The following APLP2 variants were observed in gnomAD, a reference collection of about 807,000 sequenced individuals.
APLP2 encodes amyloid beta precursor like protein 2, also known as CDEI box-binding protein.
In APLP2, 53 loss-of-function variants were observed where a neutral mutation model predicts 89.9. The ratio of observed to expected loss-of-function variants is 0.59; its 90% CI spans 0.47 to 0.74. APLP2 has a LOEUF of 0.74. Ranked by LOEUF, APLP2 falls within the 30% of genes least tolerant of loss-of-function variation. The pLI is 0.00. For synonymous variants in APLP2, 372 were observed against 348.6 expected, an observed-to-expected ratio of 1.07 and a Z score of -0.75; for missense variants, 973 against 975.9, an observed-to-expected ratio of 1.00 and a Z score of 0.04.
chr11:130,126,992 T>C lies in APLP2; in HGVS notation c.1221+162T>C, dbSNP rs567531952. Among the ~76,000 whole-genome samples, 267 of 152,042 alleles carry C rather than the reference T, an allele frequency of 1.8e-3. 2 individuals carry two copies. Among genetic ancestry groups the C allele is most frequent in the Non-Finnish European group, 2.7e-3 (187 of 68,016 alleles). ...CAGTGGAGCTGCCTTCTGGGTGGACTTCTTCACCACCTGCATCCAGATAAT... is the reference window on the plus strand; with the variant it reads ...CAGTGGAGCTGCCTTCTGGGTGGACCTCTTCACCACCTGCATCCAGATAAT... On this transcript the variant is annotated intron_variant, in intron 8 of 16. Transcript: ENST00000338167.
Position 130,109,614 on chromosome 11 carries a change from G to A in APLP2, c.279+12G>A. 6.3e-7 allele frequency: 1 copy of A among 1,599,486 alleles called. No individual in the cohort carries two copies. Among genetic ancestry groups the A allele is most frequent in the Non-Finnish European group, 8.5e-7 (1 of 1,174,378 alleles). ...AGTACTGTCAGGAGGTAAGAGTGTT[G>A]CCAGTAAGTTGAAAGTGTTATTTTT... On this transcript the variant is annotated intron_variant, in intron 2 of 16. Transcript: ENST00000338167.
rs1353824653 is a variant in APLP2, at chr11:130,122,343, A to G, written c.752A>G (p.Glu251Gly). 1.2e-6 allele frequency: 2 copies of G among 1,614,070 alleles called. No individual in the cohort carries two copies. Among genetic ancestry groups the G allele is most frequent in the Non-Finnish European group, 1.7e-6 (2 of 1,179,978 alleles). ...PTEADLEDFT[E>G]AAVDEDDEDE... Reference sequence around the variant, plus strand: ...GAAGCAGATCTGGAAGACTTCACAGAAGCAGCTGTGGATGAGGATGATGAG... The same window carrying G: ...GAAGCAGATCTGGAAGACTTCACAGGAGCAGCTGTGGATGAGGATGATGAG... The change falls in exon 6 of 17, where the codon GAA becomes GGA. Residue 251 changes from glutamate (E) to glycine (G), a missense_variant. Coordinates refer to ENST00000338167, the MANE Select transcript of APLP2 (RefSeq NM_001142276.2).
intron 3 of APLP2, among the ~76,000 whole-genome samples, chr11:130,116,197 T>G (rs184520277): frequency 9.7e-4 from 148 of 152,146 alleles, no homozygotes; most frequent in Non-Finnish European, 1.6e-3. Flanking sequence ...AAAGTTGGCC[T>G]TAAGTAACTA....
At chr11:130,143,291 C>G (rs1280673478) in intron 16 of APLP2, 56 bp from the exon 17 acceptor site, 17 of 1,511,162 alleles carry the variant, frequency 1.1e-5, no homozygotes, top group Non-Finnish European at 1.6e-5. Context: ...TCTCCCAGCA[C>G]CCTGTGCAGG....
chr11:130,080,987 T>C (rs11221946), intron 1 of APLP2, among the ~76,000 whole-genome samples: 37,865 of 151,782 alleles, frequency 0.25, 6,984 homozygotes, highest in African/African-American at 0.52. Flanking sequence ...CCACGTCCGG[T>C]CGTTGGATTT....
chr11:130,125,547 G>A (rs1003765400), intron 7 of APLP2, among the ~76,000 whole-genome samples: 6 of 152,100 alleles, frequency 3.9e-5, no homozygotes, highest in African/African-American at 7.2e-5. Context: ...TTTAGTTGTC[G>A]TTTTTAGGTC....
chr11:130,141,453 C>G lies in APLP2; in HGVS notation c.1924-45C>G. On this transcript the variant is annotated intron_variant, in intron 14 of 16. Transcript: ENST00000338167. This position sits in a 1 kb window ranked among gnomAD's most constrained non-coding sequence, Gnocchi z 4.2. ...AGGAGGCAGTAAATACCAAACTCCC[C>G]GTTCACCCAGTTGCTTGCTGCCGAC... 1 of 1,523,018 alleles carries G rather than the reference C, an allele frequency of 6.6e-7. No individual in the cohort carries two copies. The highest frequency in any genetic ancestry group is 9.1e-7 in the Non-Finnish European group (1 of 1,097,848). 94.3% of individuals were successfully genotyped at this position (1,523,018 alleles called of 1,614,324 possible).
At chr11:130,073,119 T>C (rs914425704) in intron 1 of APLP2, among the ~76,000 whole-genome samples, 1 of 152,252 alleles carries the variant, frequency 6.6e-6, no homozygotes, top group Admixed American at 6.5e-5. Flanking sequence ...GTATTTCCTA[T>C]GAAAATTTAG....
chr11:130,069,996 G>T lies in APLP2; in HGVS notation c.19G>T (p.Ala7Ser). ...GCGAGGGATGGCGGCCACCGGGACC[G>T]CGGCCGCCGCAGCCACGGGCAGGCT... MAATGT[A>S]AAAATGRLLL... The change falls in exon 1 of 17, where the codon GCG becomes TCG. Residue 7 changes from alanine (A) to serine (S), a missense_variant. By Grantham distance (99) the Ala-to-Ser change is moderately conservative. Coordinates refer to ENST00000338167, the MANE Select transcript of APLP2 (RefSeq NM_001142276.2). 1 of 1,502,194 alleles carries T rather than the reference G, an allele frequency of 6.7e-7. No homozygotes were observed. The highest frequency in any genetic ancestry group is 8.8e-7 in the Non-Finnish European group (1 of 1,130,398). The allele number at this position is 1,502,194 out of a possible 1,614,324, so 93.1% of individuals were successfully genotyped here.
At position 130,130,741 on chromosome 11, in the gene APLP2, C is replaced by G. The variant is rs186886507; in HGVS notation, c.1584+575C>G. On this transcript the variant is annotated intron_variant, in intron 11 of 16. Coordinates refer to ENST00000338167, the MANE Select transcript of APLP2 (RefSeq NM_001142276.2). The stretch of plus-strand genomic sequence containing the variant: ...CTCAGCCTTAGTTTTCCTAGAGGGC[C>G]TTATAGTAACAACGCTGATCTTACT... Among the ~76,000 whole-genome samples, 256 of 152,304 alleles carry G rather than the reference C, an allele frequency of 1.7e-3. 1 individual carries two copies. The highest frequency in any genetic ancestry group is 6.0e-3 in the African/African-American group (248 of 41,562).
intron 1 of APLP2, among the ~76,000 whole-genome samples, chr11:130,074,140 C>T (rs577896742): frequency 1.1e-4 from 16 of 152,160 alleles, no homozygotes; most frequent in Non-Finnish European, 1.6e-4. Flanking sequence ...TATCTGCTGT[C>T]GGTTTTCTAG....
rs372840531 is a variant in APLP2, at chr11:130,123,932, C to G, written c.1090+153C>G. 6.7e-4 allele frequency among the ~76,000 whole-genome samples: 102 copies of G among 152,302 alleles called. No individual in the cohort carries two copies. The highest frequency in any genetic ancestry group is 2.4e-3 in the African/African-American group (101 of 41,566). ...CCCCTCATCTTTGTGCTTTCTAGAT[C>G]TAGGCTTTGCTCTCCTGCCGGCAGT... On this transcript the variant is annotated intron_variant, in intron 7 of 16. Transcript: ENST00000338167. The surrounding 1 kb of genome is among the most constrained non-coding windows in gnomAD (Gnocchi z 4.0).
intron 1 of APLP2, chr11:130,101,962 A>G (rs1275458438): frequency 4.4e-6 from 2 of 456,194 alleles, no homozygotes; most frequent in Non-Finnish European, 4.4e-6. Flanking sequence ...GTCTTTCCTG[A>G]TCAGCACCCT....
At chr11:130,134,293 G>A (rs1951282137) in intron 12 of APLP2, among the ~76,000 whole-genome samples, 1 of 152,230 alleles carries the variant, frequency 6.6e-6, no homozygotes, top group East Asian at 1.9e-4. Context: ...GTGCTAGAGA[G>A]TGGCCAGTCG....
chr11:130,092,505 C>T (rs1241398297), intron 1 of APLP2, among the ~76,000 whole-genome samples: 3 of 141,540 alleles, frequency 2.1e-5, no homozygotes, highest in South Asian at 2.3e-4. Flanking sequence ...GGATCACTCG[C>T]GGTTAGGGGC....
chr11:130,088,977 C>T (rs77096006), intron 1 of APLP2, among the ~76,000 whole-genome samples: 15,142 of 152,030 alleles, frequency 0.1, 879 homozygotes, highest in East Asian at 0.24. Flanking sequence ...GGACAAAAAA[C>T]GCGGCACTTG....
chr11:130,100,758 C>G (rs896707067), intron 1 of APLP2, among the ~76,000 whole-genome samples: 2 of 152,190 alleles, frequency 1.3e-5, no homozygotes, highest in African/African-American at 2.4e-5. Context: ...GCATATGTCA[C>G]TGTAAGAATA....
intron 1 of APLP2, among the ~76,000 whole-genome samples, chr11:130,100,873 C>G (rs1169017556): frequency 6.6e-6 from 1 of 152,172 alleles, no homozygotes; most frequent in African/African-American, 2.4e-5. Context: ...ATTTTCCATT[C>G]ATGTAATGCA....
At chr11:130,085,488 A>C (rs755971421) in intron 1 of APLP2, among the ~76,000 whole-genome samples, 2 of 152,118 alleles carry the variant, frequency 1.3e-5, no homozygotes, top group Non-Finnish European at 2.9e-5. Context: ...AACAAAAAAA[A>C]CTTCGAACTA....
Sources: gnomAD v4.1 joint callset for allele counts (sites outside exome capture counted in the v4.1 genomes callset) on GRCh38, gnomAD v4.1.1 for gene constraint, Gnocchi (gnomAD v3.1) non-coding constraint, MANE v1.5 for transcripts, NCBI Gene and HGNC (gene_info 2026-07-23, HGNC 2026-07-21) for gene names.